Variants in MTSS2 observed in about 807,000 individuals in gnomAD.
MTSS2 encodes MTSS I-BAR domain containing 2.
Under a neutral mutation model 67.1 loss-of-function variants are expected in MTSS2, and 27 were observed. That is an observed-to-expected ratio of 0.40 (90% CI 0.30 to 0.55). The LOEUF is 0.55. MTSS2 is among the 20% of genes least tolerant of loss of function. MTSS2 has a pLI of 0.43. For synonymous variants in MTSS2, 624 were observed against 468.6 expected, an observed-to-expected ratio of 1.33 and a Z score of -4.28; for missense variants, 1,171 against 1,067.8, an observed-to-expected ratio of 1.10 and a Z score of -1.35.
intron 11 of MTSS2, among the ~76,000 whole-genome samples, chr16:70,670,456 C>T (rs2052890889): frequency 6.6e-6 from 1 of 152,156 alleles, no homozygotes; most frequent in African/African-American, 2.4e-5. Context: ...AGAATGTTCA[C>T]AGCAGCACTA....
At chr16:70,670,328 G>A (rs1469340943) in intron 11 of MTSS2, among the ~76,000 whole-genome samples, 1 of 152,148 alleles carries the variant, frequency 6.6e-6, no homozygotes, top group East Asian at 1.9e-4. Context: ...TAACAGGAGG[G>A]TAAATTGGTA....
In MTSS2 at chr16:70,678,245, G is replaced by A; in HGVS notation, c.624+7C>T. On this transcript the variant is annotated splice_region_variant and intron_variant, in intron 8 of 14. Coordinates refer to ENST00000338779, the MANE Select transcript of MTSS2 (RefSeq NM_138383.3). ...CCCTCTGGGGTCTGAGTCCCCAGGA[G>A]TCCCACCACCACAGGCTGCAGGAAG... 6.2e-7 allele frequency: 1 copy of A among 1,603,414 alleles called. No homozygotes were observed. Among genetic ancestry groups the A allele is most frequent in the Non-Finnish European group, 8.5e-7 (1 of 1,175,452 alleles).
chr16:70,672,469 C>T (rs941305483), intron 11 of MTSS2, among the ~76,000 whole-genome samples: 3 of 150,792 alleles, frequency 2.0e-5, no homozygotes, highest in Admixed American at 6.6e-5. Flanking sequence ...GAAGACTGTA[C>T]GTTACTTAGT....
At chr16:70,681,233 C>T (rs961963221) in intron 1 of MTSS2, among the ~76,000 whole-genome samples, 2 of 152,194 alleles carry the variant, frequency 1.3e-5, no homozygotes, top group South Asian at 2.1e-4. Flanking sequence ...TCCCTGGGAA[C>T]GGGCGCCTTT....
In MTSS2 at chr16:70,664,127, C is replaced by A. The variant is rs766258845; in HGVS notation, c.1794G>T (p.Val598=). The change falls in exon 15 of 15, where the codon GTG becomes GTT. Residue 598 remains valine (V), a synonymous_variant. Coordinates refer to ENST00000338779, the MANE Select transcript of MTSS2 (RefSeq NM_138383.3). ...GCCCCATGTAGCCGGGGGAGTCAGG[C>A]ACCGTGGGCGTCTTCACAGGGACGA... ...PPIVPVKTPT[V]PDSPGYMGPT... 2 of 1,610,870 alleles carry A rather than the reference C, an allele frequency of 1.2e-6. No individual in the cohort carries two copies. Among genetic ancestry groups the A allele is most frequent in the South Asian group, 2.2e-5 (2 of 91,034 alleles).
intron 3 of MTSS2, 37 bp from the exon 4 acceptor site, chr16:70,680,092 G>C: frequency 1.4e-6 from 2 of 1,427,000 alleles, no homozygotes; most frequent in Non-Finnish European, 1.8e-6. Flanking sequence ...GGGGCCCGCT[G>C]GGGCCTGCGC....
chr16:70,684,556 T>C (rs1482063224), intron 1 of MTSS2, among the ~76,000 whole-genome samples: 2 of 152,144 alleles, frequency 1.3e-5, no homozygotes. Context: ...CTAGCAGCAC[T>C]GTACTGGGTG....
At position 70,661,305 on chromosome 16, in the gene MTSS2, G is replaced by A; in HGVS notation, c.*2372C>T. The A allele has an allele frequency of 2.2e-6, 1 of 455,128 alleles. No individual in the cohort carries two copies. Among genetic ancestry groups the A allele is most frequent in the Non-Finnish European group, 4.4e-6 (1 of 226,644 alleles). 28.2% of individuals were successfully genotyped at this position (455,128 alleles called of 1,614,324 possible). A position where few individuals can be genotyped will look rare whatever the true frequency, so the allele number is the denominator to read the frequency against. On this transcript the variant is annotated 3_prime_UTR_variant, in exon 15 of 15. Coordinates refer to ENST00000338779, the MANE Select transcript of MTSS2 (RefSeq NM_138383.3). ...AATCGGGGAGGATGGTGTGGAGGGG[G>A]CGGGGAGGAGAGGAGAATTTTTCCA...
At chr16:70,672,205 G>A (rs567031175) in intron 11 of MTSS2, among the ~76,000 whole-genome samples, 17 of 152,244 alleles carry the variant, frequency 1.1e-4, no homozygotes, top group African/African-American at 3.6e-4. Context: ...AAGTTAGCTG[G>A]GCATGGTGGC....
intron 10 of MTSS2, 152 bp downstream of exon 10, chr16:70,676,729 T>C (rs1037662661): frequency 1.5e-6 from 1 of 659,268 alleles, no homozygotes; most frequent in Non-Finnish European, 2.7e-6. Flanking sequence ...ACAGGGCACA[T>C]TTTCCCTCTA....
At position 70,685,757 on chromosome 16, in the gene MTSS2, C is replaced by G. The variant is rs866081377; in HGVS notation, c.35G>C (p.Gly12Ala). 7.2e-7 allele frequency: 1 copy of G among 1,396,332 alleles called. No individual in the cohort carries two copies. Among genetic ancestry groups the G allele is most frequent in the Non-Finnish European group, 9.5e-7 (1 of 1,055,948 alleles). The allele number at this position is 1,396,332 out of a possible 1,614,324, so 86.5% of individuals were successfully genotyped here. ...GTTGACTATGGCCTGGAAGAGCCCG[C>G]CCAGGGCGCCGCACTCCTTCTCCGC... ...ETAEKECGAL[G>A]GLFQAIVNDM... Residue 12 changes from glycine (G) to alanine (A), a missense_variant, in exon 1 of 15, where the codon GGC becomes GCC. By Grantham distance (60) the Gly-to-Ala change is moderately conservative (BLOSUM62 0). This residue lies in a region of MTSS2 where 247 missense variants were observed against 311.8 expected (regional missense o/e 0.79). Transcript: ENST00000338779.
intron 11 of MTSS2, among the ~76,000 whole-genome samples, chr16:70,667,061 A>G (rs1447652515): frequency 6.6e-6 from 1 of 152,168 alleles, no homozygotes; most frequent in Non-Finnish European, 1.5e-5. Context: ...GGATCACTTG[A>G]GCCCAGGAGT....
At chr16:70,678,904 T>A (rs2053207889) in intron 7 of MTSS2, among the ~76,000 whole-genome samples, 2 of 151,972 alleles carry the variant, frequency 1.3e-5, no homozygotes, top group Admixed American at 1.3e-4. Flanking sequence ...GGGTCCCCAC[T>A]CAGCTCAGGG....
Position 70,664,231 on chromosome 16 carries a change from T to C in MTSS2, c.1690A>G (p.Ile564Val). Residue 564 changes from isoleucine to valine, a missense_variant, in exon 15 of 15, where the codon ATC (isoleucine) becomes GTC (valine). Around this residue, in one of 2 missense-constraint regions of MTSS2, gnomAD observed 924 missense variants for 756.0 expected, o/e 1.22. Coordinates refer to ENST00000338779, the MANE Select transcript of MTSS2 (RefSeq NM_138383.3). ...GGCTTGGTGGAGGGTGTGCGGCGGA[T>C]GGTGGCCACGCCGGGGGGTGCGCCC... ...PSGAPPGVATIRRTPSTKPTV... is the reference protein window; with the variant it reads ...PSGAPPGVATVRRTPSTKPTV... 1 of 1,574,006 alleles carries C rather than the reference T, an allele frequency of 6.4e-7. No individual in the cohort carries two copies. The highest frequency in any genetic ancestry group is 8.6e-7 in the Non-Finnish European group (1 of 1,165,544).
intron 8 of MTSS2, 142 bp from the exon 9 acceptor site, chr16:70,678,041 G>A (rs1167713619): frequency 1.0e-6 from 1 of 964,370 alleles, no homozygotes; most frequent in Admixed American, 2.4e-5. Flanking sequence ...GGCTGGTGCA[G>A]GTGGGGCCCA....
At position 70,665,549 on chromosome 16, in the gene MTSS2, C is replaced by T. The variant is rs1018843750; in HGVS notation, c.1054-9G>A. 1.4e-4 allele frequency: 209 copies of T among 1,545,198 alleles called. 1 individual carries two copies. Among genetic ancestry groups the T allele is most frequent in the Non-Finnish European group, 1.7e-4 (196 of 1,145,632 alleles). ...GCAGAGCTGGAGGACTTCTGCCATG[C>T]AGAGGCCAGCAGGCGGTTGCAGACA... On this transcript the variant is annotated splice_polypyrimidine_tract_variant and intron_variant, in intron 11 of 14. Transcript: ENST00000338779.
chr16:70,683,854 C>T (rs2053376248), intron 1 of MTSS2, among the ~76,000 whole-genome samples: 1 of 152,250 alleles, frequency 6.6e-6, no homozygotes, highest in Admixed American at 6.5e-5. Flanking sequence ...AGGTGGTCAG[C>T]TTCCAGGTGG....
At position 70,685,889 on chromosome 16, in the gene MTSS2, C is replaced by G; in HGVS notation, c.-98G>C. On this transcript the variant is annotated 5_prime_UTR_variant, in exon 1 of 15. Coordinates refer to ENST00000338779, the MANE Select transcript of MTSS2 (RefSeq NM_138383.3). ...GGCCGCGCGGGCGCTCGCTCCGAGGCCGGGCCGGGCCTCCCGCCTCCAGGC... is the reference window on the plus strand; with the variant it reads ...GGCCGCGCGGGCGCTCGCTCCGAGGGCGGGCCGGGCCTCCCGCCTCCAGGC... The G allele has an allele frequency of 1.8e-6, 1 of 551,732 alleles. No homozygotes were observed. The highest frequency in any genetic ancestry group is 2.3e-6 in the Non-Finnish European group (1 of 434,022). 34.2% of individuals were successfully genotyped at this position (551,732 alleles called of 1,614,324 possible).
chr16:70,678,684 CAGG>C (rs2053199722), intron 7 of MTSS2, among the ~76,000 whole-genome samples: 1 of 152,224 alleles, frequency 6.6e-6, no homozygotes, highest in Non-Finnish European at 1.5e-5. Context: ...TCTTGGCGCC[CAGG>C]AGCTCTGCCA....
Sources: allele counts gnomAD v4.1 joint callset (sites outside exome capture counted in the v4.1 genomes callset), GRCh38; gene constraint gnomAD v4.1.1; regional missense constraint gnomAD v4.1.1; transcripts MANE v1.5; gene names NCBI Gene and HGNC (gene_info 2026-07-23, HGNC 2026-07-21).